Variants in DYNC1H1 observed in about 807,000 individuals in gnomAD.
DYNC1H1 encodes the protein cytoplasmic dynein 1 heavy chain 1.
DYNC1H1 carries 51 observed loss-of-function variants against 527.1 expected under a neutral mutation model. The observed-to-expected ratio is 0.10, with a 90% CI of 0.08 to 0.12. The LOEUF (loss-of-function observed/expected upper bound fraction) is 0.12. Among genes scored for constraint, DYNC1H1 ranks in the 10% least tolerant of loss-of-function variants. The probability of loss-of-function intolerance (pLI) is 1.00; values close to 1 mark genes in which losing one functional copy is unlikely to be tolerated. For missense variants in DYNC1H1, 2,771 were observed against 5,971.8 expected (o/e 0.46, Z 17.66); for synonymous variants, 2,189 against 2,278.8 (o/e 0.96, Z 1.12).
At position 102,018,171 on chromosome 14, in the gene DYNC1H1, T is replaced by C. The variant is rs577524457; in HGVS notation, c.8178-280T>C. Among the ~76,000 whole-genome samples, 2 of 152,240 alleles carry C rather than the reference T, an allele frequency of 1.3e-5. No individual in the cohort carries two copies. Among genetic ancestry groups the C allele is most frequent in the Non-Finnish European group, 2.9e-5 (2 of 68,042 alleles). On this transcript the variant is annotated intron_variant, in intron 40 of 77. Coordinates refer to ENST00000360184, the MANE Select transcript of DYNC1H1 (RefSeq NM_001376.5). The surrounding 1 kb of genome is among the most constrained non-coding windows in gnomAD (Gnocchi z 5.2). The stretch of plus-strand genomic sequence containing the variant: ...TGATCTCTTGGTAGTGATGAACTGC[T>C]CCAGACTCATCTGTAGAGCCAAGAT...
chr14:102,025,981 G>T (rs561390641), intron 43 of DYNC1H1, among the ~76,000 whole-genome samples: 1 of 152,028 alleles, frequency 6.6e-6, no homozygotes, highest in Non-Finnish European at 1.5e-5. Flanking sequence ...TGGGCATGGT[G>T]GTACGTGCCT....
rs570580763 is a variant in DYNC1H1 at position 101,986,727 on chromosome 14, G to T, written c.2502G>T (p.Gln834His). 1 of 1,614,196 alleles carries T rather than the reference G, an allele frequency of 6.2e-7. No homozygotes were observed. Among genetic ancestry groups the T allele is most frequent in the South Asian group, 1.1e-5 (1 of 91,086 alleles). ...CCTACAAACTTGACCCATATGTACAGCGCTTAGCAGAGACTGTCTTCAACT... is the reference window on the plus strand; with the variant it reads ...CCTACAAACTTGACCCATATGTACATCGCTTAGCAGAGACTGTCTTCAACT... ...WESYKLDPYVQRLAETVFNFQ... is the reference protein window; with the variant it reads ...WESYKLDPYVHRLAETVFNFQ... The change falls in exon 8 of 78, where the codon CAG (glutamine) becomes CAT (histidine). Residue 834 changes from glutamine to histidine, a missense_variant. Gln to His is a conservative substitution (Grantham distance 24). This residue lies in a region of DYNC1H1 where 179 missense variants were observed against 349.4 expected (regional missense o/e 0.51). Transcript: ENST00000360184. This position sits in a 1 kb window ranked among gnomAD's most constrained non-coding sequence, Gnocchi z 8.7.
At chr14:101,968,711 A>G (rs1047709025) in intron 1 of DYNC1H1, among the ~76,000 whole-genome samples, 4 of 150,380 alleles carry the variant, frequency 2.7e-5, no homozygotes, top group African/African-American at 9.8e-5. Flanking sequence ...ACAGGCACAC[A>G]CCACCACGCC....
chr14:102,019,647 G>T (rs1301727490), intron 41 of DYNC1H1, among the ~76,000 whole-genome samples: 1 of 152,146 alleles, frequency 6.6e-6, no homozygotes, highest in Non-Finnish European at 1.5e-5. Context: ...TGTCGCCAAG[G>T]CTGGAATGCA....
Position 101,985,792 on chromosome 14 carries a change from G to A in DYNC1H1, c.1567G>A (p.Val523Ile), listed in dbSNP as rs764885198. 6.2e-7 allele frequency: 1 copy of A among 1,614,198 alleles called. No individual in the cohort carries two copies. The highest frequency in any genetic ancestry group is 8.5e-7 in the Non-Finnish European group (1 of 1,180,034). Residue 523 changes from valine (V) to isoleucine (I), a missense_variant, in exon 8 of 78, where the codon GTA (valine) becomes ATA (isoleucine). Transcript: ENST00000360184. The surrounding 1 kb of genome is among the most constrained non-coding windows in gnomAD (Gnocchi z 5.9). ...DAADANAIEE[V>I]NLAYENVKEV... is the part of the protein sequence containing the mutation. ...TGCAGATGCAAATGCCATTGAGGAA[G>A]TAAACCTTGCTTATGAGAACGTCAA... is the stretch of plus-strand genomic sequence containing the variant.
At chr14:102,004,207 G>A in intron 23 of DYNC1H1, among the ~76,000 whole-genome samples, 1 of 152,092 alleles carries the variant, frequency 6.6e-6, no homozygotes, top group African/African-American at 2.4e-5. Flanking sequence ...TCGTGCCACT[G>A]CACTCCAGCC....
At chr14:102,028,767 G>C (rs1194649602) in intron 48 of DYNC1H1, 1 of 163,296 alleles carries the variant, frequency 6.1e-6, no homozygotes. Flanking sequence ...TCAGGAATCA[G>C]CACGCTTTCT....
chr14:102,009,573 TG>T, intron 29 of DYNC1H1: 1 of 472,728 alleles, frequency 2.1e-6, no homozygotes, highest in Non-Finnish European at 3.9e-6. Context: ...CACTCAGGTG[TG>T]GTGTTGCCCA....
rs1213741594 is a variant in DYNC1H1, at chr14:102,016,632, G to A, written c.7615-134G>A. ...GGACTTTATCCTTTTAGTTCCATGT[G>A]TTAGCAAAGAGTGCAGATTAACCTG... is the stretch of plus-strand genomic sequence containing the variant. On this transcript the variant is annotated intron_variant, in intron 37 of 77. Coordinates refer to ENST00000360184, the MANE Select transcript of DYNC1H1 (RefSeq NM_001376.5). The surrounding 1 kb of genome is among the most constrained non-coding windows in gnomAD (Gnocchi z 7.3). 41 of 1,554,186 alleles carry A rather than the reference G, an allele frequency of 2.6e-5. No homozygotes were observed. The South Asian group carries it at 4.0e-4, about 15-fold the overall frequency.
At position 102,001,444 on chromosome 14, in the gene DYNC1H1, TG is replaced by T; in HGVS notation, c.4396-89del. On this transcript the variant is annotated intron_variant, in intron 20 of 77. Transcript: ENST00000360184. This position sits in a 1 kb window ranked among gnomAD's most constrained non-coding sequence, Gnocchi z 5.0. Reference sequence around the variant, plus strand: ...TGTAAAAATGGAGCCTTGTCATCTGTGGTCCTTTTGGTTCTTATAATGCTGG... The same window carrying T: ...TGTAAAAATGGAGCCTTGTCATCTGTGTCCTTTTGGTTCTTATAATGCTGG... 6.2e-7 allele frequency: 1 copy of T among 1,612,854 alleles called. No individual in the cohort carries two copies. The highest frequency in any genetic ancestry group is 1.7e-5 in the Admixed American group (1 of 60,030).
In DYNC1H1 at chr14:102,015,994, A is replaced by G; in HGVS notation, c.7381A>G (p.Met2461Val). ...RLRCLGSLFS[M>V]LHQACRNVAQ... The stretch of plus-strand genomic sequence containing the variant: ...GCGCTGCCTGGGCTCGCTCTTCTCC[A>G]TGCTGCACCAGGCCTGCCGCAACGT... Residue 2461 changes from methionine (M) to valine (V), a missense_variant, in exon 36 of 78, where the codon ATG (methionine) becomes GTG (valine). Around this residue, in one of 32 missense-constraint regions of DYNC1H1, gnomAD observed 122 missense variants for 168.4 expected, o/e 0.72. Transcript: ENST00000360184. The surrounding 1 kb of genome is among the most constrained non-coding windows in gnomAD (Gnocchi z 6.9). 1 of 1,613,906 alleles carries G rather than the reference A, an allele frequency of 6.2e-7. No homozygotes were observed.
chr14:102,007,525 A>G (rs983610644), intron 28 of DYNC1H1, among the ~76,000 whole-genome samples: 2 of 152,178 alleles, frequency 1.3e-5, no homozygotes, highest in African/African-American at 4.8e-5. Flanking sequence ...CTGTCATGAT[A>G]ACGGCTGTTG....
In DYNC1H1 at chr14:102,008,117, G is replaced by A. The variant is rs527417738; in HGVS notation, c.5818-61G>A. 2.0e-4 allele frequency: 316 copies of A among 1,607,776 alleles called. 3 individuals are homozygous for A. Among genetic ancestry groups the A allele is most frequent in the South Asian group, 2.6e-4 (24 of 90,802 alleles). Reference sequence around the variant, plus strand: ...CAACATACTGATTTGTGGCAAGGGAGAGGGGAGACAATTGAGGGCACAGCA... The same window carrying A: ...CAACATACTGATTTGTGGCAAGGGAAAGGGGAGACAATTGAGGGCACAGCA... On this transcript the variant is annotated intron_variant, in intron 28 of 77. Coordinates refer to ENST00000360184, the MANE Select transcript of DYNC1H1 (RefSeq NM_001376.5).
Position 102,002,415 on chromosome 14 carries a change from G to A in DYNC1H1, c.4543-122G>A. The A allele has an allele frequency of 7.3e-7, 1 of 1,377,322 alleles. No homozygotes were observed. The allele number at this position is 1,377,322 out of a possible 1,614,324, so 85.3% of individuals were successfully genotyped here. The stretch of plus-strand genomic sequence containing the variant: ...CGTGAGCCACCACACCCGTCTACTT[G>A]TTGTTTAAAATGTGAATCAGATTAC... On this transcript the variant is annotated intron_variant, in intron 21 of 77. Transcript: ENST00000360184. This position sits in a 1 kb window ranked among gnomAD's most constrained non-coding sequence, Gnocchi z 4.4.
intron 5 of DYNC1H1, among the ~76,000 whole-genome samples, chr14:101,982,039 G>A (rs973709473): frequency 6.6e-6 from 1 of 152,202 alleles, no homozygotes; most frequent in Admixed American, 6.5e-5. Flanking sequence ...GCAGAAGGAG[G>A]CCAGCAGCGG....
chr14:101,973,944 A>G (rs1244314508), intron 1 of DYNC1H1, among the ~76,000 whole-genome samples: 1 of 152,198 alleles, frequency 6.6e-6, no homozygotes, highest in Admixed American at 6.5e-5. Context: ...ATGAAACCTT[A>G]TAACCACCTA....
rs998965353 is a variant in DYNC1H1 at position 102,010,536 on chromosome 14, T to C, written c.6405+77T>C. ...CCTTTTTAACATTTAAGCCATGACT[T>C]GTGAGTTCTTCTTGCAGTTCACATG... On this transcript the variant is annotated intron_variant, in intron 31 of 77. Coordinates refer to ENST00000360184, the MANE Select transcript of DYNC1H1 (RefSeq NM_001376.5). The surrounding 1 kb of genome is among the most constrained non-coding windows in gnomAD (Gnocchi z 6.0). The C allele has an allele frequency of 7.0e-6, 11 of 1,569,098 alleles. No homozygotes were observed. The South Asian group carries it at 1.3e-4, about 18-fold the overall frequency.
chr14:101,964,827 G>A lies in DYNC1H1; in HGVS notation c.136G>A (p.Gly46Ser). Reference sequence around the variant, plus strand: ...GGTGCCGCTGCTGCTGGAGGACGGCGGCGAGGCGCCGGCCGCGCTGGAGGC... The same window carrying A: ...GGTGCCGCTGCTGCTGGAGGACGGCAGCGAGGCGCCGGCCGCGCTGGAGGC... ...KLVPLLLEDGGEAPAALEAAL... is the reference protein window; with the variant it reads ...KLVPLLLEDGSEAPAALEAAL... Residue 46 changes from glycine to serine, a missense_variant, in exon 1 of 78, where the codon GGC becomes AGC. By Grantham distance (56) the Gly-to-Ser change is moderately conservative. Coordinates refer to ENST00000360184, the MANE Select transcript of DYNC1H1 (RefSeq NM_001376.5). This position sits in a 1 kb window ranked among gnomAD's most constrained non-coding sequence, Gnocchi z 5.5. 5 of 1,601,954 alleles carry A rather than the reference G, an allele frequency of 3.1e-6. No homozygotes were observed. Among genetic ancestry groups the A allele is most frequent in the South Asian group, 1.1e-5 (1 of 89,778 alleles).
chr14:102,034,925 C>CA (rs33940099), intron 56 of DYNC1H1: 5,938 of 172,976 alleles, frequency 0.034, no homozygotes, highest in South Asian at 0.076. Flanking sequence ...GAATCCATCT[C>CA]AAAAAAAAAA....
Sources: gnomAD v4.1 joint callset for allele counts (sites outside exome capture counted in the v4.1 genomes callset) on GRCh38, gnomAD v4.1.1 for gene constraint, gnomAD v4.1.1 regional missense constraint, Gnocchi (gnomAD v3.1) non-coding constraint, MANE v1.5 for transcripts, NCBI Gene and HGNC (gene_info 2026-07-23, HGNC 2026-07-21) for gene names.